Variants in UST observed in about 807,000 individuals in gnomAD.
The protein encoded by UST is chondroitin sulfate 2-O-sulfotransferase.
UST carries 21 observed loss-of-function variants against 45.6 expected under a neutral mutation model. That is an observed-to-expected ratio of 0.46 (90% CI 0.33 to 0.66). The LOEUF is 0.66. Among genes scored for constraint, UST ranks in the 30% least tolerant of loss-of-function variants. UST has a pLI of 0.02. For missense variants in UST, 463 were observed against 512.4 expected (o/e 0.90, Z 0.93); for synonymous variants, 215 against 200.6 (o/e 1.07, Z -0.61).
At chr6:149,064,232 G>A (rs114024244) in intron 7 of UST, among the ~76,000 whole-genome samples, 2,396 of 152,222 alleles carry the variant, frequency 0.016, 60 homozygotes, top group African/African-American at 0.054. Context: ...CCATCCACTC[G>A]TCAGCAATGT....
chr6:148,989,166 T>C (rs1781298267), intron 5 of UST, among the ~76,000 whole-genome samples: 1 of 151,946 alleles, frequency 6.6e-6, no homozygotes, highest in Admixed American at 6.6e-5. Flanking sequence ...ACTTCTGGTC[T>C]GTGAGAACTT....
chr6:149,055,557 C>T (rs564317775), intron 7 of UST, among the ~76,000 whole-genome samples: 8 of 152,164 alleles, frequency 5.3e-5, no homozygotes, highest in African/African-American at 9.7e-5. Context: ...CCCCACCTGT[C>T]TCTAATGCAG....
intron 5 of UST, among the ~76,000 whole-genome samples, chr6:148,971,459 A>T (rs1467535518): frequency 6.6e-6 from 1 of 152,158 alleles, no homozygotes; most frequent in Non-Finnish European, 1.5e-5. Flanking sequence ...GCTGCATCAC[A>T]TCCTACATGT....
At chr6:148,810,943 C>G in intron 1 of UST, among the ~76,000 whole-genome samples, 1 of 152,166 alleles carries the variant, frequency 6.6e-6, no homozygotes, top group East Asian at 1.9e-4. Context: ...AAGAAATTGA[C>G]ATATGTAAGG....
intron 2 of UST, among the ~76,000 whole-genome samples, chr6:148,931,222 A>T (rs1779916765): frequency 6.6e-6 from 1 of 152,248 alleles, no homozygotes; most frequent in South Asian, 2.1e-4. Flanking sequence ...CTCTATTTGT[A>T]TAATAGCAAA....
chr6:148,936,696 A>T (rs1338953191), intron 2 of UST, among the ~76,000 whole-genome samples: 1 of 137,850 alleles, frequency 7.3e-6, no homozygotes, highest in Non-Finnish European at 1.6e-5. Flanking sequence ...CTTTTTGTTT[A>T]TTTATTTTTA....
At chr6:149,004,681 C>T (rs2115007148) in intron 5 of UST, among the ~76,000 whole-genome samples, 1 of 152,280 alleles carries the variant, frequency 6.6e-6, no homozygotes, top group South Asian at 2.1e-4. Context: ...GAGTACTGAG[C>T]AAGCTTGTAA....
intron 5 of UST, among the ~76,000 whole-genome samples, chr6:148,988,432 A>T (rs947102348): frequency 6.6e-6 from 1 of 151,918 alleles, no homozygotes; most frequent in Non-Finnish European, 1.5e-5. Flanking sequence ...AAGGTAGCCC[A>T]GCATGGTGGC....
intron 5 of UST, among the ~76,000 whole-genome samples, chr6:148,978,139 A>G (rs1187939332): frequency 6.6e-6 from 1 of 152,150 alleles, no homozygotes; most frequent in African/African-American, 2.4e-5. Context: ...TTCACAGATT[A>G]TTTTCAGTTT....
In UST at chr6:149,069,704, A is replaced by G. The variant is rs1776790431; in HGVS notation, c.938-4129A>G. The stretch of plus-strand genomic sequence containing the variant: ...TAACCTTATGGCAGTTGACCCAGTC[A>G]CCTAATCGTAATCAAAGAAAGAAAT... On this transcript the variant is annotated intron_variant, in intron 7 of 7. Coordinates refer to ENST00000367463, the MANE Select transcript of UST (RefSeq NM_005715.3). Among the ~76,000 whole-genome samples the G allele has an allele frequency of 2.0e-5, 3 of 152,218 alleles. No individual in the cohort carries two copies. In the South Asian group the frequency reaches 6.2e-4, roughly 32 times the overall value.
chr6:148,832,781 C>T (rs945619771), intron 1 of UST, among the ~76,000 whole-genome samples: 3 of 152,148 alleles, frequency 2.0e-5, no homozygotes, highest in Non-Finnish European at 4.4e-5. Context: ...CTATTTGGAG[C>T]TCGGTCAGAT....
chr6:148,850,632 G>T (rs1413623245), intron 1 of UST, among the ~76,000 whole-genome samples: 1 of 152,168 alleles, frequency 6.6e-6, no homozygotes, highest in Non-Finnish European at 1.5e-5. Flanking sequence ...AAAGTTGCAG[G>T]AATGGATGGA....
intron 1 of UST, among the ~76,000 whole-genome samples, chr6:148,849,720 A>G (rs1778069270): frequency 6.6e-6 from 1 of 152,182 alleles, no homozygotes; most frequent in South Asian, 2.1e-4. Flanking sequence ...GAACTCACTC[A>G]CTATCATGAG....
At chr6:148,852,739 C>T (rs577839348) in intron 1 of UST, among the ~76,000 whole-genome samples, 23 of 152,170 alleles carry the variant, frequency 1.5e-4, no homozygotes, top group South Asian at 4.2e-4. Flanking sequence ...GCATCTTCCC[C>T]GGGAATCCTT....
In UST at chr6:148,798,783, G is replaced by C. The variant is rs1380071947; in HGVS notation, c.247+51106G>C. Among the ~76,000 whole-genome samples, 6 of 152,294 alleles carry C rather than the reference G, an allele frequency of 3.9e-5. No individual in the cohort carries two copies. The Middle Eastern group carries it at 0.01, about 259-fold the overall frequency. ...AAACATTTGTTACTCTTTAGTGTTA[G>C]GATGACAGAGGAGAGGGAAATGAAT... On this transcript the variant is annotated intron_variant, in intron 1 of 7. Transcript: ENST00000367463.
intron 1 of UST, among the ~76,000 whole-genome samples, chr6:148,842,851 T>C (rs898080456): frequency 2.0e-5 from 3 of 152,176 alleles, no homozygotes; most frequent in African/African-American, 7.2e-5. Flanking sequence ...TAGTGAGTAG[T>C]ACTTAGTGGG....
At chr6:148,920,837 T>G (rs1429982869) in intron 2 of UST, among the ~76,000 whole-genome samples, 2 of 152,270 alleles carry the variant, frequency 1.3e-5, no homozygotes, top group South Asian at 4.1e-4. Context: ...GCCTGCTCTT[T>G]TAAAAGCAAG....
At chr6:148,902,392 A>G (rs77214154) in intron 2 of UST, among the ~76,000 whole-genome samples, 1 of 146,302 alleles carries the variant, frequency 6.8e-6, no homozygotes, top group East Asian at 2.0e-4. Context: ...ATGCCTGGCT[A>G]ATTTTTTTTT....
intron 1 of UST, among the ~76,000 whole-genome samples, chr6:148,780,495 G>A (rs1169585620): frequency 6.6e-6 from 1 of 152,050 alleles, no homozygotes; most frequent in Non-Finnish European, 1.5e-5. Context: ...GTGTCCATGT[G>A]TTCTCATCAA....
Sources: gnomAD v4.1 joint callset for allele counts (sites outside exome capture counted in the v4.1 genomes callset) on GRCh38, gnomAD v4.1.1 for gene constraint, MANE v1.5 for transcripts, NCBI Gene and HGNC (gene_info 2026-07-23, HGNC 2026-07-21) for gene names.